Variants in KPNA3 observed in about 807,000 individuals in gnomAD.
KPNA3 encodes the protein karyopherin subunit alpha 3, also known as importin subunit alpha-4.
A neutral mutation model predicts 73.8 loss-of-function variants in KPNA3; 13 were observed. That is an observed-to-expected ratio of 0.18 (90% CI 0.11 to 0.28). KPNA3 has a LOEUF of 0.28. KPNA3 is among the 10% of genes least tolerant of loss of function. The pLI is 1.00. For synonymous variants in KPNA3, 186 were observed against 206.9 expected (o/e 0.90, Z 0.87); for missense variants, 360 against 618.1 (o/e 0.58, Z 4.43).
At chr13:49,789,546 G>C (rs1180153128) in intron 1 of KPNA3, among the ~76,000 whole-genome samples, 1 of 151,904 alleles carries the variant, frequency 6.6e-6, no homozygotes, top group African/African-American at 2.4e-5. Flanking sequence ...TTTAGTTTTT[G>C]TCTATCCTAT....
Position 49,779,357 on chromosome 13 carries a change from C to T in KPNA3, c.69+13081G>A, listed in dbSNP as rs960658244. On this transcript the variant is annotated intron_variant, in intron 1 of 16. Transcript: ENST00000261667. Reference sequence around the variant, plus strand: ...TAGACCCTTCATTCTCTATAGTTAACGTTGTCAAAGAAAATAGAGGCCACT... The same window carrying T: ...TAGACCCTTCATTCTCTATAGTTAATGTTGTCAAAGAAAATAGAGGCCACT... 4.6e-5 allele frequency among the ~76,000 whole-genome samples: 7 copies of T among 152,080 alleles called. 1 individual carries two copies. Among genetic ancestry groups the T allele is most frequent in the African/African-American group, 1.4e-4 (6 of 41,408 alleles).
intron 2 of KPNA3, among the ~76,000 whole-genome samples, chr13:49,742,490 A>G (rs1000219733): frequency 2.6e-5 from 4 of 152,088 alleles, no homozygotes; most frequent in African/African-American, 7.2e-5. Flanking sequence ...TTATGTCTCT[A>G]TCATGCTGTT....
intron 6 of KPNA3, among the ~76,000 whole-genome samples, chr13:49,726,472 C>T (rs114160595): frequency 4.6e-5 from 7 of 152,078 alleles, no homozygotes; most frequent in African/African-American, 1.2e-4. Context: ...AGAGCTGAAA[C>T]TAACTAAGAA....
intron 1 of KPNA3, among the ~76,000 whole-genome samples, chr13:49,766,471 A>T (rs1954808600): frequency 6.6e-6 from 1 of 152,140 alleles, no homozygotes; most frequent in Admixed American, 6.5e-5. Flanking sequence ...TGTGTTTTAT[A>T]ATTTTGGATT....
chr13:49,771,285 T>C (rs1954853421), intron 1 of KPNA3, among the ~76,000 whole-genome samples: 2 of 152,188 alleles, frequency 1.3e-5, no homozygotes, highest in Admixed American at 1.3e-4. Context: ...TCCATGAACA[T>C]GAAATATATT....
intron 2 of KPNA3, among the ~76,000 whole-genome samples, chr13:49,735,314 G>A (rs987179885): frequency 6.6e-6 from 1 of 152,068 alleles, no homozygotes; most frequent in Non-Finnish European, 1.5e-5. Flanking sequence ...TAGAGACGGG[G>A]TTTCTCCATG....
chr13:49,719,941 G>T (rs1954339868), intron 9 of KPNA3, 122 bp from the exon 10 acceptor site: 3 of 627,456 alleles, frequency 4.8e-6, no homozygotes, highest in Admixed American at 3.4e-5. Flanking sequence ...TGTTAAATTT[G>T]TCTGAATATC....
At chr13:49,706,451 C>G (rs1275614267) in intron 12 of KPNA3, 79 bp from the exon 13 acceptor site, 9 of 953,456 alleles carry the variant, frequency 9.4e-6, no homozygotes, top group Non-Finnish European at 1.4e-5. Flanking sequence ...TTTATATAGA[C>G]AATAACAAAA....
At chr13:49,779,358 G>A (rs1453039455) in intron 1 of KPNA3, among the ~76,000 whole-genome samples, 2 of 151,794 alleles carry the variant, frequency 1.3e-5, no homozygotes, top group East Asian at 1.9e-4. Flanking sequence ...TATAGTTAAC[G>A]TTGTCAAAGA....
chr13:49,743,782 G>A, intron 2 of KPNA3, among the ~76,000 whole-genome samples: 1 of 152,056 alleles, frequency 6.6e-6, no homozygotes, highest in East Asian at 1.9e-4. Flanking sequence ...TTAAACAAGA[G>A]GAGGCTTCTG....
intron 7 of KPNA3, among the ~76,000 whole-genome samples, chr13:49,722,830 T>TAAAAAAAAA (rs10693298): frequency 2.5e-5 from 2 of 79,648 alleles, no homozygotes; most frequent in African/African-American, 9.9e-5. Context: ...TATAATCCAT[T>TAAAAAAAAA]AAAAAAAAAA....
chr13:49,724,640 G>A (rs767499611), intron 7 of KPNA3, among the ~76,000 whole-genome samples: 4 of 150,762 alleles, frequency 2.7e-5, no homozygotes, highest in Admixed American at 6.6e-5. Context: ...CTCTGTCGCC[G>A]GGGCTGGAAT....
rs61959958 is a variant in KPNA3, at chr13:49,701,439, C to T, written c.*361G>A. ...CATACCAAAGTGTCTTGATCCACAG[C>T]GCACCATTTTCCAAAGGAGTATCAG... On this transcript the variant is annotated 3_prime_UTR_variant, in exon 17 of 17. Coordinates refer to ENST00000261667, the MANE Select transcript of KPNA3 (RefSeq NM_002267.4). The T allele has an allele frequency of 7.4e-5, 35 of 474,558 alleles. No homozygotes were observed. The highest frequency in any genetic ancestry group is 1.4e-4 in the East Asian group (2 of 14,744). 29.4% of individuals were successfully genotyped at this position (474,558 alleles called of 1,614,324 possible). A position where few individuals can be genotyped will look rare whatever the true frequency, so the allele number is the denominator to read the frequency against.
chr13:49,721,268 CA>C (rs1209042654), intron 9 of KPNA3, among the ~76,000 whole-genome samples: 1 of 152,104 alleles, frequency 6.6e-6, no homozygotes, highest in East Asian at 1.9e-4. Flanking sequence ...CAAACTCATT[CA>C]AGAACATTTG....
Position 49,722,452 on chromosome 13 carries a change from AGAG to A in KPNA3, c.556+22_556+24del, listed in dbSNP as rs753513145. 5 of 1,483,144 alleles carry A rather than the reference AGAG, an allele frequency of 3.4e-6. No individual in the cohort carries two copies. The African/African-American group carries it at 7.0e-5, about 21-fold the overall frequency. 91.9% of individuals were successfully genotyped at this position (1,483,144 alleles called of 1,614,324 possible). On this transcript the variant is annotated intron_variant, in intron 8 of 16. Coordinates refer to ENST00000261667, the MANE Select transcript of KPNA3 (RefSeq NM_002267.4). ...GGAAAAAAGTTAATTTAGATTCTTA[AGAG>A]GATTCCTTTCAAACCACTTACCTAT...
At chr13:49,755,884 TA>T (rs1252058641) in intron 1 of KPNA3, among the ~76,000 whole-genome samples, 1 of 152,226 alleles carries the variant, frequency 6.6e-6, no homozygotes, top group Non-Finnish European at 1.5e-5. Context: ...CCAGATCTAT[TA>T]AGTGAGTTCA....
chr13:49,739,948 T>C (rs1174241239), intron 2 of KPNA3, among the ~76,000 whole-genome samples: 5 of 152,186 alleles, frequency 3.3e-5, no homozygotes, highest in Non-Finnish European at 7.3e-5. Context: ...TGTGGAATAA[T>C]AGCTATGAGT....
At chr13:49,715,836 T>C (rs574093808) in intron 10 of KPNA3, among the ~76,000 whole-genome samples, 4 of 152,274 alleles carry the variant, frequency 2.6e-5, no homozygotes, top group Non-Finnish European at 5.9e-5. Flanking sequence ...AAACACACAA[T>C]AGTCATTGGT....
In KPNA3 at chr13:49,712,971, TA is replaced by T. The variant is rs34032976; in HGVS notation, c.772-1950del. Among the ~76,000 whole-genome samples, 443 of 136,512 alleles carry T rather than the reference TA, an allele frequency of 3.2e-3. 2 individuals carry two copies. The highest frequency in any genetic ancestry group is 8.1e-3 in the African/African-American group (300 of 37,252). The allele number at this position is 136,512 out of a possible 152,430, so 89.6% of individuals were successfully genotyped here. On this transcript the variant is annotated intron_variant, in intron 10 of 16. Transcript: ENST00000261667. ...ATGTGAATGGGCCTAACTAACCTAT[TA>T]AAAAAAAAAAAAGATTTTCAAATTG...
Sources: allele counts gnomAD v4.1 joint callset (sites outside exome capture counted in the v4.1 genomes callset), GRCh38; gene constraint gnomAD v4.1.1; transcripts MANE v1.5; gene names NCBI Gene and HGNC (gene_info 2026-07-23, HGNC 2026-07-21).